The following PXK variants were observed in gnomAD, a reference collection of about 807,000 sequenced individuals.
PXK encodes the protein PX domain-containing protein kinase-like protein.
A neutral mutation model predicts 84.7 loss-of-function variants in PXK; 35 were observed. The observed-to-expected ratio is 0.41, with a 90% CI of 0.32 to 0.55. PXK has a LOEUF of 0.55. Among genes scored for constraint, PXK ranks in the 20% least tolerant of loss-of-function variants. PXK has a pLI of 0.21. For synonymous variants in PXK, 253 were observed against 260.8 expected, an observed-to-expected ratio of 0.97 and a Z score of 0.29; for missense variants, 634 against 699.7, an observed-to-expected ratio of 0.91 and a Z score of 1.06.
chr3:58,343,467 C>T (rs1391128192), intron 1 of PXK, among the ~76,000 whole-genome samples: 2 of 152,236 alleles, frequency 1.3e-5, no homozygotes, highest in Admixed American at 6.5e-5. Context: ...CCACATTCCA[C>T]AGGCACTTCT....
At position 58,355,865 on chromosome 3, in the gene PXK, C is replaced by T. The variant is rs143701816; in HGVS notation, c.103-10009C>T. Among the ~76,000 whole-genome samples, 906 of 152,300 alleles carry T rather than the reference C, an allele frequency of 5.9e-3. 14 individuals carry two copies. Among genetic ancestry groups the T allele is most frequent in the African/African-American group, 0.021 (864 of 41,562 alleles). ...CCTCAGGACTTCCCCGGGTTGCCAG[C>T]TATGTCTGGCAGGTTGGAGGGTCTT... On this transcript the variant is annotated intron_variant, in intron 1 of 17. Coordinates refer to ENST00000356151, the MANE Select transcript of PXK (RefSeq NM_017771.5).
Position 58,407,328 on chromosome 3 carries a change from TG to T in PXK, c.1231-1595del, listed in dbSNP as rs1560102486. ...TAAAGACATTGAGTGTCTTTTCATA[TG>T]TTTTTTGGCCATTTGTATATTTTCT... On this transcript the variant is annotated intron_variant, in intron 13 of 17. Coordinates refer to ENST00000356151, the MANE Select transcript of PXK (RefSeq NM_017771.5). This position sits in a 1 kb window ranked among gnomAD's most constrained non-coding sequence, Gnocchi z 4.3. 6.6e-6 allele frequency among the ~76,000 whole-genome samples: 1 copy of T among 152,216 alleles called. No homozygotes were observed. Among genetic ancestry groups the T allele is most frequent in the Non-Finnish European group, 1.5e-5 (1 of 68,040 alleles).
intron 3 of PXK, 127 bp downstream of exon 3, chr3:58,369,605 C>A: frequency 1.5e-6 from 1 of 654,190 alleles, no homozygotes; most frequent in Non-Finnish European, 2.7e-6. Context: ...GCGGGTGGAT[C>A]ACCTGAGGTC....
Position 58,382,550 on chromosome 3 carries a change from T to C in PXK, c.238T>C (p.Leu80=). The C allele has an allele frequency of 6.3e-7, 1 of 1,586,992 alleles. No homozygotes were observed. The highest frequency in any genetic ancestry group is 8.5e-7 in the Non-Finnish European group (1 of 1,171,170). The stretch of plus-strand genomic sequence containing the variant: ...AAGTCTACCTCTTCCTCCCAAAAAA[T>C]TGATTGGTAACATGGATCGTGAATT... ...GLSLPLPPKK[L]IGNMDREFIA... Residue 80 remains leucine (L), a synonymous_variant, in exon 4 of 18, where the codon TTG becomes CTG. Coordinates refer to ENST00000356151, the MANE Select transcript of PXK (RefSeq NM_017771.5).
Position 58,397,588 on chromosome 3 carries a change from T to C in PXK, c.985-17T>C, listed in dbSNP as rs1576541438. The C allele has an allele frequency of 1.3e-6, 2 of 1,595,746 alleles. No homozygotes were observed. Among genetic ancestry groups the C allele is most frequent in the Non-Finnish European group, 8.6e-7 (1 of 1,163,274 alleles). ...CCAAAGTGAAGGGTGAACACGCTGC[T>C]ACTCTTTCTTCCACAGACATTGGAA... On this transcript the variant is annotated splice_polypyrimidine_tract_variant and intron_variant, in intron 10 of 17. Coordinates refer to ENST00000356151, the MANE Select transcript of PXK (RefSeq NM_017771.5). This position sits in a 1 kb window ranked among gnomAD's most constrained non-coding sequence, Gnocchi z 4.7.
intron 3 of PXK, among the ~76,000 whole-genome samples, chr3:58,381,278 G>T (rs1257353419): frequency 1.3e-5 from 2 of 149,022 alleles, no homozygotes; most frequent in Non-Finnish European, 3.0e-5. Context: ...GCCAACAGAG[G>T]TTACACTCTA....
At position 58,414,565 on chromosome 3, in the gene PXK, C is replaced by CT. The variant is rs1353850603; in HGVS notation, c.1528+1604dup. 1.3e-5 allele frequency: 2 copies of CT among 152,002 alleles called. No individual in the cohort carries two copies. The highest frequency in any genetic ancestry group is 4.8e-5 in the African/African-American group (2 of 41,384). The allele number at this position is 152,002 out of a possible 1,614,324, so 9.4% of individuals were successfully genotyped here. On this transcript the variant is annotated intron_variant, in intron 17 of 17. Transcript: ENST00000356151. This position sits in a 1 kb window ranked among gnomAD's most constrained non-coding sequence, Gnocchi z 4.5. ...ATAATTAGAGTCAATGTTGGGAAAACTTGGAGGTGAGTGGGAGGGGCATTC... is the reference window on the plus strand; with the variant it reads ...ATAATTAGAGTCAATGTTGGGAAAACTTTGGAGGTGAGTGGGAGGGGCATTC...
At chr3:58,357,964 C>CAAAACAAA (rs933779708) in intron 1 of PXK, among the ~76,000 whole-genome samples, 1 of 148,812 alleles carries the variant, frequency 6.7e-6, no homozygotes, top group Admixed American at 6.7e-5. Context: ...GACTCTGTCT[C>CAAAACAAA]AAAACAAAAA....
intron 3 of PXK, among the ~76,000 whole-genome samples, chr3:58,373,743 T>C (rs1214133821): frequency 2.6e-5 from 4 of 152,132 alleles, no homozygotes; most frequent in Non-Finnish European, 5.9e-5. Context: ...TGCTGTAAGC[T>C]TGTGGCCAGT....
chr3:58,422,784 G>A, intron 17 of PXK: 2 of 985,352 alleles, frequency 2.0e-6, no homozygotes, highest in Non-Finnish European at 2.4e-6. Flanking sequence ...CAAAATCCTT[G>A]CCTGGAGGGC....
In PXK at chr3:58,423,379, G is replaced by T. The variant is rs868510808; in HGVS notation, c.1529-1373G>T. 13 of 1,493,656 alleles carry T rather than the reference G, an allele frequency of 8.7e-6. 1 individual carries two copies. The Middle Eastern group carries it at 5.1e-4, about 59-fold the overall frequency. 92.5% of individuals were successfully genotyped at this position (1,493,656 alleles called of 1,614,324 possible). On this transcript the variant is annotated intron_variant, in intron 17 of 17. Coordinates refer to ENST00000356151, the MANE Select transcript of PXK (RefSeq NM_017771.5). ...CATGTTGGTCATTTGTCTGTATTTA[G>T]TCTTTATTTGTATTGCTATCTTTGA...
intron 1 of PXK, among the ~76,000 whole-genome samples, chr3:58,347,504 T>C (rs1489126776): frequency 6.6e-6 from 1 of 152,224 alleles, no homozygotes; most frequent in Non-Finnish European, 1.5e-5. Flanking sequence ...TAGTCTTTTT[T>C]TGGTCTGGCT....
chr3:58,376,644 AT>A (rs751041360), intron 3 of PXK, among the ~76,000 whole-genome samples: 71 of 151,958 alleles, frequency 4.7e-4, no homozygotes, highest in Non-Finnish European at 8.1e-4. Context: ...TTATTTATTT[AT>A]TTATTTATTT....
intron 1 of PXK, among the ~76,000 whole-genome samples, chr3:58,338,747 G>A (rs560577708): frequency 3.4e-5 from 5 of 148,894 alleles, no homozygotes; most frequent in Non-Finnish European, 7.4e-5. Flanking sequence ...GTGCAGTGGC[G>A]CGATCTCGGC....
At chr3:58,334,207 C>T (rs1430293763) in intron 1 of PXK, among the ~76,000 whole-genome samples, 1 of 152,120 alleles carries the variant, frequency 6.6e-6, no homozygotes, top group Non-Finnish European at 1.5e-5. Context: ...CTTTTTTGAA[C>T]CTCAGTTTCC....
rs999140166 is a variant in PXK, at chr3:58,385,410, G to GACA, written c.388+2711_388+2713dup. 3.1e-4 allele frequency among the ~76,000 whole-genome samples: 47 copies of GACA among 152,184 alleles called. No individual in the cohort carries two copies. Among genetic ancestry groups the GACA allele is most frequent in the African/African-American group, 1.1e-3 (46 of 41,452 alleles). ...TAGGCTGCCACCTCCATGCCAGCTT[G>GACA]ACAGGACCATTCCTGAGATTCACAG... On this transcript the variant is annotated intron_variant, in intron 4 of 17. Transcript: ENST00000356151. This position sits in a 1 kb window ranked among gnomAD's most constrained non-coding sequence, Gnocchi z 5.1.
At chr3:58,348,556 AAAT>A (rs1348392315) in intron 1 of PXK, among the ~76,000 whole-genome samples, 2 of 152,210 alleles carry the variant, frequency 1.3e-5, no homozygotes, top group African/African-American at 4.8e-5. Flanking sequence ...AAATTAATTT[AAAT>A]AATATATTTA....
Position 58,397,285 on chromosome 3 carries a change from A to G in PXK, c.984+85A>G. The G allele has an allele frequency of 6.9e-7, 1 of 1,453,082 alleles. No homozygotes were observed. Among genetic ancestry groups the G allele is most frequent in the Non-Finnish European group, 9.5e-7 (1 of 1,051,452 alleles). 90.0% of individuals were successfully genotyped at this position (1,453,082 alleles called of 1,614,324 possible). On this transcript the variant is annotated intron_variant, in intron 10 of 17. Transcript: ENST00000356151. The surrounding 1 kb of genome is among the most constrained non-coding windows in gnomAD (Gnocchi z 4.7). ...TCTGCCCATGTAGGAAATATGCACCAAGTAGTGAAAGGTATAGTTGGGACA... is the reference window on the plus strand; with the variant it reads ...TCTGCCCATGTAGGAAATATGCACCGAGTAGTGAAAGGTATAGTTGGGACA...
Position 58,397,736 on chromosome 3 carries a change from T to G in PXK, c.1102+14T>G. ...CCATGGCTGTGGGTCAGTATGGGGT[T>G]GGGAAGGGTCTTCTGGGCCCTAGTA... is the stretch of plus-strand genomic sequence containing the variant. On this transcript the variant is annotated intron_variant, in intron 11 of 17. Transcript: ENST00000356151. This position sits in a 1 kb window ranked among gnomAD's most constrained non-coding sequence, Gnocchi z 4.7. 1 of 1,594,356 alleles carries G rather than the reference T, an allele frequency of 6.3e-7. No individual in the cohort carries two copies. The highest frequency in any genetic ancestry group is 1.1e-5 in the South Asian group (1 of 90,634).
Sources: gnomAD v4.1 joint callset for allele counts (sites outside exome capture counted in the v4.1 genomes callset) on GRCh38, gnomAD v4.1.1 for gene constraint, Gnocchi (gnomAD v3.1) non-coding constraint, MANE v1.5 for transcripts, NCBI Gene and HGNC (gene_info 2026-07-23, HGNC 2026-07-21) for gene names.